Variants in ARL13A observed in about 807,000 individuals in gnomAD.
ARL13A encodes the protein ARF like GTPase 13A.
A neutral mutation model predicts 19.1 loss-of-function variants in ARL13A; 16 were observed. That is an observed-to-expected ratio of 0.84 (90% confidence interval 0.57 to 1.27). The LOEUF (loss-of-function observed/expected upper bound fraction) is 1.27, where lower values mean the gene tolerates loss of function less well. Ranked by LOEUF, ARL13A falls within the 50% of genes most tolerant of loss-of-function variation. The pLI, the probability that ARL13A is intolerant of heterozygous loss-of-function variation, is 0.00. For synonymous variants in ARL13A, 69 were observed against 71.3 expected (o/e 0.97, Z 0.17); for missense variants, 153 against 186.4 (o/e 0.82, Z 1.04).
chrX:100,988,669 G>A (rs1255244391), intron 7 of ARL13A: 1 of 577,570 alleles, frequency 1.7e-6, no homozygotes, highest in African/African-American at 2.5e-5. Context: ...TCTATGGTTG[G>A]TGATTAGGAG....
At position 100,969,763 on chromosome X, in the gene ARL13A, C is replaced by A. The variant is rs2085635603; in HGVS notation, c.-61C>A. On this transcript the variant is annotated 5_prime_UTR_variant, in exon 1 of 8. Coordinates refer to ENST00000450049, the MANE Select transcript of ARL13A (RefSeq NM_001162491.2). The stretch of plus-strand genomic sequence containing the variant: ...TCCTATTACTCTGCATATCTTATGT[C>A]TTCCATCCAAAAAGAATCAACTTAT... 1 of 112,238 alleles carries A rather than the reference C, an allele frequency of 8.9e-6. No homozygotes were observed. The highest frequency in any genetic ancestry group is 9.4e-5 in the Admixed American group (1 of 10,599). The allele number at this position is 112,238 out of a possible 1,213,427, so 9.2% of individuals were successfully genotyped here.
At chrX:100,973,203 G>A (rs2085703051) in intron 1 of ARL13A, among the ~76,000 whole-genome samples, 1 of 33,221 alleles carries the variant, frequency 3.0e-5, no homozygotes, top group African/African-American at 1.2e-4. Flanking sequence ...GATGGCGGCC[G>A]GGTGGAGACG....
chrX:100,988,653 C>T, intron 7 of ARL13A: 1 of 702,454 alleles, frequency 1.4e-6, no homozygotes, highest in African/African-American at 2.3e-5. Flanking sequence ...GAATTTCTTT[C>T]CTCACTCTAT....
At chrX:100,987,699 G>C (rs965851850) in intron 6 of ARL13A, 143 bp downstream of exon 6, 7 of 622,886 alleles carry the variant, frequency 1.1e-5, no homozygotes, top group Non-Finnish European at 1.4e-5. Flanking sequence ...AATGGGGCTA[G>C]GGCAGTGCCC....
At chrX:100,989,286 G>A (rs1172115271) in intron 7 of ARL13A, among the ~76,000 whole-genome samples, 2 of 111,289 alleles carry the variant, frequency 1.8e-5, no homozygotes, top group Non-Finnish European at 3.8e-5. Context: ...AGGCCAAGGT[G>A]CCTTTCCTTT....
At chrX:100,976,532 C>T (rs1000608013) in intron 3 of ARL13A, among the ~76,000 whole-genome samples, 7 of 111,910 alleles carry the variant, frequency 6.3e-5, no homozygotes, top group Non-Finnish European at 1.1e-4. Context: ...CCATCAGAAT[C>T]AACCTAGTAG....
In ARL13A at chrX:100,977,936, T is replaced by C. The variant is rs561822878; in HGVS notation, c.130+3739T>C. 2.1e-4 allele frequency among the ~76,000 whole-genome samples: 24 copies of C among 112,264 alleles called. No homozygotes were observed. In the South Asian group the frequency reaches 9.0e-3, roughly 42 times the overall value. On this transcript the variant is annotated intron_variant, in intron 3 of 7. Coordinates refer to ENST00000450049, the MANE Select transcript of ARL13A (RefSeq NM_001162491.2). ...TGGACTCTTAGGTTGCTTCCAAATC[T>C]GGGCTATTGTGAACAGTGCTGCAAT... is the stretch of plus-strand genomic sequence containing the variant.
chrX:100,978,539 T>C (rs2085803820), intron 3 of ARL13A, among the ~76,000 whole-genome samples: 1 of 111,698 alleles, frequency 9.0e-6, no homozygotes, highest in African/African-American at 3.3e-5. Context: ...GGGTTTCCAT[T>C]TGTATAGAAT....
At chrX:100,975,463 C>T (rs1008488445) in intron 3 of ARL13A, among the ~76,000 whole-genome samples, 1 of 111,392 alleles carries the variant, frequency 9.0e-6, no homozygotes, top group Non-Finnish European at 1.9e-5. Context: ...GCAAGTCCAT[C>T]CCCTAAATTG....
At chrX:100,973,380 G>A (rs1175090850) in intron 1 of ARL13A, among the ~76,000 whole-genome samples, 20 of 99,073 alleles carry the variant, frequency 2.0e-4, no homozygotes, top group African/African-American at 7.3e-4. Flanking sequence ...CCTTGCCCTC[G>A]GGCCCCGCGG....
At chrX:100,972,504 C>T (rs1353501783) in intron 1 of ARL13A, among the ~76,000 whole-genome samples, 45 of 92,070 alleles carry the variant, frequency 4.9e-4, no homozygotes, top group African/African-American at 1.7e-3. Context: ...CCCCCACCTC[C>T]CTCCCGGACG....
chrX:100,975,021 C>T (rs902419709), intron 3 of ARL13A, among the ~76,000 whole-genome samples: 8 of 111,559 alleles, frequency 7.2e-5, no homozygotes, highest in East Asian at 2.8e-4. Context: ...CTCCATTTGT[C>T]CCCCCCAGTA....
chrX:100,984,996 G>A (rs2085916316), intron 3 of ARL13A, among the ~76,000 whole-genome samples: 2 of 112,489 alleles, frequency 1.8e-5, no homozygotes, highest in Admixed American at 9.5e-5. Flanking sequence ...TTACAACACT[G>A]TAATATGTGC....
intron 4 of ARL13A, 88 bp from the exon 5 acceptor site, chrX:100,986,708 C>T (rs773546818): frequency 5.1e-5 from 28 of 552,287 alleles, no homozygotes; most frequent in Non-Finnish European, 6.6e-5. Context: ...ATTTGTTCTC[C>T]TCCTCTTTCC....
At chrX:100,985,564 C>A in intron 3 of ARL13A, 103 bp from the exon 4 acceptor site, 10 of 966,674 alleles carry the variant, frequency 1.0e-5, no homozygotes, top group Non-Finnish European at 1.4e-5. Flanking sequence ...TACTTCCCAG[C>A]AGGATAGACA....
At chrX:100,970,923 G>C (rs768173023) in intron 1 of ARL13A, among the ~76,000 whole-genome samples, 1 of 111,978 alleles carries the variant, frequency 8.9e-6, no homozygotes, top group Non-Finnish European at 1.9e-5. Context: ...TTCTTCAAGA[G>C]GTTAAATATA....
intron 3 of ARL13A, among the ~76,000 whole-genome samples, chrX:100,975,464 C>A (rs767955502): frequency 9.0e-6 from 1 of 111,367 alleles, no homozygotes; most frequent in Non-Finnish European, 1.9e-5. Flanking sequence ...CAAGTCCATC[C>A]CCTAAATTGT....
intron 1 of ARL13A, among the ~76,000 whole-genome samples, chrX:100,972,531 G>A (rs1194234621): frequency 1.7e-4 from 13 of 78,746 alleles, no homozygotes; most frequent in African/African-American, 6.6e-4. Flanking sequence ...CTGGCCGGGC[G>A]GGGGACTGAC....
At chrX:100,977,347 G>A (rs1345974675) in intron 3 of ARL13A, among the ~76,000 whole-genome samples, 3 of 96,728 alleles carry the variant, frequency 3.1e-5, no homozygotes. Context: ...CCACCCTGTA[G>A]TAATTATCCT....
Sources: gnomAD v4.1 joint callset for allele counts (sites outside exome capture counted in the v4.1 genomes callset) on GRCh38, gnomAD v4.1.1 for gene constraint, MANE v1.5 for transcripts, NCBI Gene and HGNC (gene_info 2026-07-23, HGNC 2026-07-21) for gene names.